ASXL2: variants seen among roughly 807,000 people sequenced by gnomAD.
The protein encoded by ASXL2 is ASXL transcriptional regulator 2, also known as putative Polycomb group protein ASXL2.
In ASXL2, 23 loss-of-function variants were observed where a neutral mutation model predicts 122.0. The ratio of observed to expected loss-of-function variants is 0.19; its 90% CI spans 0.14 to 0.27. The LOEUF (loss-of-function observed/expected upper bound fraction) is 0.27. Among genes scored for constraint, ASXL2 ranks in the 10% least tolerant of loss-of-function variants. The probability of loss-of-function intolerance (pLI) is 1.00; values close to 1 mark genes in which losing one functional copy is unlikely to be tolerated. For missense variants in ASXL2, 1,518 were observed against 1,713.8 expected, an observed-to-expected ratio of 0.89 and a Z score of 2.02; for synonymous variants, 650 against 637.0, an observed-to-expected ratio of 1.02 and a Z score of -0.31.
rs2087813942 is a variant in ASXL2, at chr2:25,740,752, T to G, written c.*1277A>C. On this transcript the variant is annotated 3_prime_UTR_variant, in exon 13 of 13. Transcript: ENST00000435504. ...GAGGCCTCTTTCCATTAGAAATTTC[T>G]AGTGCTCAGACAGCAGTAATCCAAA... The G allele has an allele frequency of 1.0e-5, 2 of 198,726 alleles. No individual in the cohort carries two copies. Among genetic ancestry groups the G allele is most frequent in the East Asian group, 7.9e-5 (1 of 12,632 alleles). The allele number at this position is 198,726 out of a possible 1,614,324, so 12.3% of individuals were successfully genotyped here. A position where few individuals can be genotyped will look rare whatever the true frequency, so the allele number is the denominator to read the frequency against.
At chr2:25,866,970 A>C (rs1254205235) in intron 1 of ASXL2, among the ~76,000 whole-genome samples, 1 of 151,412 alleles carries the variant, frequency 6.6e-6, no homozygotes, top group Non-Finnish European at 1.5e-5. Flanking sequence ...GTGCAATCTC[A>C]GCTCACCACA....
chr2:25,824,968 G>A (rs909671889), intron 3 of ASXL2, among the ~76,000 whole-genome samples: 1 of 152,172 alleles, frequency 6.6e-6, no homozygotes, highest in African/African-American at 2.4e-5. Flanking sequence ...GCTTTAGCTT[G>A]CTTTGTCTTG....
intron 3 of ASXL2, among the ~76,000 whole-genome samples, chr2:25,829,174 A>G (rs2089418145): frequency 6.6e-6 from 1 of 152,114 alleles, no homozygotes; most frequent in African/African-American, 2.4e-5. Context: ...TGGTGGGAGA[A>G]TCACCTGAGC....
intron 5 of ASXL2, among the ~76,000 whole-genome samples, chr2:25,792,414 T>C (rs1574419147): frequency 6.6e-6 from 1 of 150,896 alleles, no homozygotes; most frequent in East Asian, 1.9e-4. Context: ...GCTCAACAGA[T>C]TAAAACAATT....
At chr2:25,857,080 T>G (rs1164983473) in intron 1 of ASXL2, 6 of 13,176 alleles carry the variant, frequency 4.6e-4, no homozygotes, top group South Asian at 3.9e-3. Flanking sequence ...TGTTAGATTT[T>G]TGGGGGGGGC....
intron 9 of ASXL2, among the ~76,000 whole-genome samples, chr2:25,758,680 G>GT (rs369670596): frequency 0.27 from 35,572 of 133,724 alleles, 4,644 homozygotes; most frequent in African/African-American, 0.35. Flanking sequence ...TGCTACTTTT[G>GT]TTTTTTTTTT....
intron 5 of ASXL2, among the ~76,000 whole-genome samples, chr2:25,781,673 T>TTTC (rs1162798691): frequency 6.7e-6 from 1 of 149,040 alleles, no homozygotes; most frequent in African/African-American, 2.5e-5. Flanking sequence ...CACCTGGCTT[T>TTTC]TTTTTTTTTT....
At chr2:25,834,217 G>C (rs2089483614) in intron 3 of ASXL2, among the ~76,000 whole-genome samples, 1 of 151,998 alleles carries the variant, frequency 6.6e-6, no homozygotes, top group South Asian at 2.1e-4. Flanking sequence ...GCCGGGGTTG[G>C]TGGCAGGCAC....
At position 25,759,515 on chromosome 2, in the gene ASXL2, T is replaced by G. The variant is rs2149146395; in HGVS notation, c.906A>C (p.Arg302=). Residue 302 remains arginine (R), a synonymous_variant, in exon 9 of 13, where the codon CGA becomes CGC. Transcript: ENST00000435504. ...FSVLPGDCQQ[R]LLLLLPEVDR... Reference sequence around the variant, plus strand: ...CTACCTCTGGGAGTAGTAAAAGCAGTCGTTGCTGGCAATCTCCAGGAAGGA... The same window carrying G: ...CTACCTCTGGGAGTAGTAAAAGCAGGCGTTGCTGGCAATCTCCAGGAAGGA... 1 of 1,613,952 alleles carries G rather than the reference T, an allele frequency of 6.2e-7. No individual in the cohort carries two copies. The highest frequency in any genetic ancestry group is 8.5e-7 in the Non-Finnish European group (1 of 1,179,870).
intron 1 of ASXL2, chr2:25,856,464 C>T: frequency 1.0e-6 from 1 of 971,358 alleles, no homozygotes; most frequent in Non-Finnish European, 1.6e-6. Flanking sequence ...CAGCTTCTCA[C>T]TTGGCCTTCG....
Position 25,838,938 on chromosome 2 carries a change from T to C in ASXL2, c.141-3398A>G, listed in dbSNP as rs999872806. 3.3e-5 allele frequency among the ~76,000 whole-genome samples: 5 copies of C among 152,324 alleles called. No individual in the cohort carries two copies. In the East Asian group the frequency reaches 5.8e-4, roughly 18 times the overall value. On this transcript the variant is annotated intron_variant, in intron 2 of 12. Coordinates refer to ENST00000435504, the MANE Select transcript of ASXL2 (RefSeq NM_018263.6). ...ACAAAATACCTAACCATTCCTTCAA[T>C]ATTTAGATTCATACAAATGCACAGT... is the stretch of plus-strand genomic sequence containing the variant.
intron 2 of ASXL2, among the ~76,000 whole-genome samples, chr2:25,837,719 G>T (rs886773358): frequency 6.6e-6 from 1 of 151,982 alleles, no homozygotes; most frequent in African/African-American, 2.4e-5. Context: ...GCATGGTGGT[G>T]TGTGCCTGTG....
chr2:25,746,787 T>C (rs1421043874), intron 12 of ASXL2, among the ~76,000 whole-genome samples: 3 of 152,180 alleles, frequency 2.0e-5, no homozygotes, highest in Non-Finnish European at 4.4e-5. Context: ...AAATAAATCA[T>C]ATTTCTTTTT....
Position 25,878,259 on chromosome 2 carries a change from G to A in ASXL2, c.-37C>T, listed in dbSNP as rs774771597. On this transcript the variant is annotated 5_prime_UTR_variant, in exon 1 of 13. Transcript: ENST00000435504. ...AACTGACTGGGAGGCTCCCGTGTCC[G>A]GGCTCCGGCCGCCCTCCCTGCCTGC... 6.2e-7 allele frequency: 1 copy of A among 1,610,876 alleles called. No homozygotes were observed. Among genetic ancestry groups the A allele is most frequent in the African/African-American group, 1.3e-5 (1 of 74,818 alleles).
At chr2:25,797,476 T>C (rs79213956) in intron 5 of ASXL2, among the ~76,000 whole-genome samples, 2,219 of 152,124 alleles carry the variant, frequency 0.015, 26 homozygotes, top group Non-Finnish European at 0.024. Flanking sequence ...CAGAAAATAT[T>C]TGCAAAAGAC....
At chr2:25,808,147 C>T (rs570041632) in intron 3 of ASXL2, among the ~76,000 whole-genome samples, 1 of 152,146 alleles carries the variant, frequency 6.6e-6, no homozygotes, top group Non-Finnish European at 1.5e-5. Flanking sequence ...GAAAGGGATC[C>T]TTTCTCTTCC....
At chr2:25,812,224 G>A (rs979392293) in intron 3 of ASXL2, among the ~76,000 whole-genome samples, 5 of 150,496 alleles carry the variant, frequency 3.3e-5, no homozygotes, top group South Asian at 4.2e-4. Context: ...TTTGGGAGCC[G>A]AGGCAGGTGG....
intron 2 of ASXL2, among the ~76,000 whole-genome samples, chr2:25,840,340 T>C (rs954923432): frequency 6.6e-6 from 1 of 152,202 alleles, no homozygotes; most frequent in African/African-American, 2.4e-5. Context: ...GCCAACCACT[T>C]CTTTTTAAAT....
intron 1 of ASXL2, among the ~76,000 whole-genome samples, chr2:25,866,907 T>C (rs1156777284): frequency 6.6e-6 from 1 of 151,792 alleles, no homozygotes. Context: ...TAATTTTTTT[T>C]TTATTTTTTT....
Sources: gnomAD v4.1 joint callset for allele counts (sites outside exome capture counted in the v4.1 genomes callset) on GRCh38, gnomAD v4.1.1 for gene constraint, MANE v1.5 for transcripts, NCBI Gene and HGNC (gene_info 2026-07-23, HGNC 2026-07-21) for gene names.